The following RANBP17 variants were observed in gnomAD, a reference collection of about 807,000 sequenced individuals.
RANBP17 encodes ran-binding protein 17.
Under a neutral mutation model 141.2 loss-of-function variants are expected in RANBP17, and 158 were observed. The observed-to-expected ratio is 1.12, with a 90% CI of 0.98 to 1.28. The LOEUF (loss-of-function observed/expected upper bound fraction) is 1.28. Ranked by LOEUF, RANBP17 falls within the 50% of genes most tolerant of loss-of-function variation. The probability of loss-of-function intolerance (pLI) is 0.00; values close to 1 mark genes in which losing one functional copy is unlikely to be tolerated. For missense variants in RANBP17, 1,438 were observed against 1,290.7 expected (o/e 1.11, Z -1.75); for synonymous variants, 430 against 450.0 (o/e 0.96, Z 0.56).
intron 3 of RANBP17, among the ~76,000 whole-genome samples, chr5:170,887,749 C>T (rs1474326370): frequency 6.6e-6 from 1 of 151,956 alleles, no homozygotes; most frequent in Non-Finnish European, 1.5e-5. Context: ...TCTTACAGTT[C>T]TGGAGGATGG....
chr5:170,992,940 C>CG (rs1431454871), intron 14 of RANBP17, among the ~76,000 whole-genome samples: 1 of 152,082 alleles, frequency 6.6e-6, no homozygotes, highest in Non-Finnish European at 1.5e-5. Flanking sequence ...GCAAGCCCTT[C>CG]ACGTAATTCT....
At chr5:171,217,750 T>C (rs1763301898) in intron 21 of RANBP17, among the ~76,000 whole-genome samples, 1 of 152,186 alleles carries the variant, frequency 6.6e-6, no homozygotes, top group South Asian at 2.1e-4. Flanking sequence ...AGTGGTGATA[T>C]CCCCTTTATC....
chr5:171,264,251 A>T (rs954200786), intron 24 of RANBP17, among the ~76,000 whole-genome samples: 2 of 152,176 alleles, frequency 1.3e-5, no homozygotes, highest in Non-Finnish European at 2.9e-5. Context: ...GGTAGAAGGA[A>T]GGTAGGTGGG....
intron 14 of RANBP17, among the ~76,000 whole-genome samples, chr5:171,075,157 G>A (rs1387620813): frequency 6.6e-6 from 1 of 152,160 alleles, no homozygotes; most frequent in East Asian, 1.9e-4. Context: ...TGCCAAAAAT[G>A]AAATTTAGCA....
intron 14 of RANBP17, among the ~76,000 whole-genome samples, chr5:170,982,412 A>G (rs1777837036): frequency 6.6e-6 from 1 of 152,202 alleles, no homozygotes; most frequent in Admixed American, 6.5e-5. Context: ...AAAGAGAAAA[A>G]CAGAAAATAG....
intron 3 of RANBP17, among the ~76,000 whole-genome samples, chr5:170,890,649 T>C (rs1769520128): frequency 6.6e-6 from 1 of 152,174 alleles, no homozygotes; most frequent in Non-Finnish European, 1.5e-5. Context: ...CAGGCCAAAG[T>C]GGAAATGGAG....
chr5:170,881,060 C>T (rs999640894), intron 2 of RANBP17, among the ~76,000 whole-genome samples: 5 of 151,650 alleles, frequency 3.3e-5, no homozygotes, highest in Admixed American at 6.6e-5. Flanking sequence ...TTTATGGACA[C>T]CAAAATACAG....
chr5:171,091,858 ACTT>A (rs1013946117), intron 14 of RANBP17, among the ~76,000 whole-genome samples: 15 of 152,238 alleles, frequency 9.9e-5, no homozygotes, highest in Admixed American at 4.6e-4. Flanking sequence ...AGTCCAGTAA[ACTT>A]CTTTCTTTTG....
At chr5:170,945,002 G>C (rs922289922) in intron 12 of RANBP17, among the ~76,000 whole-genome samples, 1 of 152,120 alleles carries the variant, frequency 6.6e-6, no homozygotes, top group Non-Finnish European at 1.5e-5. Flanking sequence ...TCAGTTCCCT[G>C]AGCATGGAGT....
At chr5:171,049,956 A>G (rs1301743159) in intron 14 of RANBP17, among the ~76,000 whole-genome samples, 1 of 152,004 alleles carries the variant, frequency 6.6e-6, no homozygotes, top group African/African-American at 2.4e-5. Context: ...ATTTGGGCTC[A>G]TTTTTGTTCC....
intron 24 of RANBP17, among the ~76,000 whole-genome samples, chr5:171,247,112 A>G (rs1170641627): frequency 2.0e-5 from 3 of 152,220 alleles, no homozygotes; most frequent in African/African-American, 7.2e-5. Context: ...CAATTTGCCT[A>G]AGATCATAAA....
At chr5:171,021,782 A>G (rs879130039) in intron 14 of RANBP17, among the ~76,000 whole-genome samples, 1 of 152,142 alleles carries the variant, frequency 6.6e-6, no homozygotes. Context: ...CAATTCATCC[A>G]TGTCATCCTT....
intron 14 of RANBP17, among the ~76,000 whole-genome samples, chr5:171,069,288 G>C (rs1334119831): frequency 6.6e-6 from 1 of 152,154 alleles, no homozygotes; most frequent in Non-Finnish European, 1.5e-5. Context: ...GCTGCACCAG[G>C]AACTTGGGCC....
intron 14 of RANBP17, among the ~76,000 whole-genome samples, chr5:171,033,342 G>A (rs1227031410): frequency 2.0e-5 from 3 of 152,080 alleles, no homozygotes; most frequent in Non-Finnish European, 4.4e-5. Context: ...TTAAAATATG[G>A]AACTGTCTAG....
At position 171,242,777 on chromosome 5, in the gene RANBP17, C is replaced by G. The variant is rs1764971062; in HGVS notation, c.2733C>G (p.Leu911=). 6.2e-7 allele frequency: 1 copy of G among 1,613,454 alleles called. No individual in the cohort carries two copies. Among genetic ancestry groups the G allele is most frequent in the Admixed American group, 1.7e-5 (1 of 60,016 alleles). ...TCATCAACTTAGAGCCTCCTGTACTCATGTATGTTCTCACATCTATCTCAG... is the reference window on the plus strand; with the variant it reads ...TCATCAACTTAGAGCCTCCTGTACTGATGTATGTTCTCACATCTATCTCAG... The part of the protein sequence containing the change: ...SFIINLEPPV[L]MYVLTSISEG... The change falls in exon 24 of 28, where the codon CTC becomes CTG. Residue 911 remains leucine, a synonymous_variant. Coordinates refer to ENST00000523189, the MANE Select transcript of RANBP17 (RefSeq NM_022897.5).
chr5:170,898,172 G>C (rs568436196), intron 5 of RANBP17, among the ~76,000 whole-genome samples: 1 of 152,232 alleles, frequency 6.6e-6, no homozygotes, highest in South Asian at 2.1e-4. Context: ...ATATATTTAG[G>C]ATAGTTAGCT....
chr5:170,968,606 G>A (rs1170557313), intron 14 of RANBP17: 1 of 581,904 alleles, frequency 1.7e-6, no homozygotes, highest in Non-Finnish European at 3.2e-6. Context: ...GTTTTACATG[G>A]ATGGTCATTA....
intron 14 of RANBP17, among the ~76,000 whole-genome samples, chr5:171,134,690 C>T (rs1387070457): frequency 6.6e-6 from 1 of 152,136 alleles, no homozygotes; most frequent in Admixed American, 6.6e-5. Flanking sequence ...CAGGTCGAGG[C>T]AGGTGGATTG....
chr5:171,221,433 TTTA>T (rs1561776870), intron 21 of RANBP17, among the ~76,000 whole-genome samples: 3 of 152,306 alleles, frequency 2.0e-5, no homozygotes, highest in Admixed American at 6.5e-5. Flanking sequence ...CCTGGGGTGT[TTTA>T]TTATTATCCA....
Sources: gnomAD v4.1 joint callset for allele counts (sites outside exome capture counted in the v4.1 genomes callset) on GRCh38, gnomAD v4.1.1 for gene constraint, MANE v1.5 for transcripts, NCBI Gene and HGNC (gene_info 2026-07-23, HGNC 2026-07-21) for gene names.